Variants in AFF3 observed in about 807,000 individuals in gnomAD.
AFF3 encodes AF4/FMR2 family member 3.
Under a neutral mutation model 129.7 loss-of-function variants are expected in AFF3, and 32 were observed. That is an observed-to-expected ratio of 0.25 (90% CI 0.19 to 0.33). AFF3 has a LOEUF of 0.33. Ranked by LOEUF, AFF3 falls within the 10% of genes least tolerant of loss-of-function variation. The probability of loss-of-function intolerance (pLI) is 1.00; values close to 1 mark genes in which losing one functional copy is unlikely to be tolerated. For synonymous variants in AFF3, 644 were observed against 635.4 expected, an observed-to-expected ratio of 1.01 and a Z score of -0.20; for missense variants, 1,373 against 1,592.0, an observed-to-expected ratio of 0.86 and a Z score of 2.34.
chr2:99,862,520 G>C (rs1452802816), intron 7 of AFF3, among the ~76,000 whole-genome samples: 1 of 152,212 alleles, frequency 6.6e-6, no homozygotes, highest in Non-Finnish European at 1.5e-5. Context: ...TTTTTCAGGT[G>C]CATTTACAGA....
chr2:99,951,733 C>T (rs1676186264), intron 7 of AFF3, among the ~76,000 whole-genome samples: 2 of 152,184 alleles, frequency 1.3e-5, no homozygotes, highest in African/African-American at 4.8e-5. Context: ...GCAACCTCCG[C>T]CTCCCAGGTT....
intron 7 of AFF3, among the ~76,000 whole-genome samples, chr2:99,922,681 C>T (rs1015261271): frequency 6.6e-6 from 1 of 152,178 alleles, no homozygotes; most frequent in Admixed American, 6.5e-5. Flanking sequence ...AGTAACTGAA[C>T]ACTTCACTGC....
intron 4 of AFF3, among the ~76,000 whole-genome samples, chr2:100,075,241 A>G (rs1472015791): frequency 6.6e-6 from 1 of 152,138 alleles, no homozygotes; most frequent in South Asian, 2.1e-4. Context: ...AACCAGGGCA[A>G]ACATCCCTGA....
At chr2:99,691,844 A>G (rs1558752905) in intron 11 of AFF3, among the ~76,000 whole-genome samples, 1 of 152,210 alleles carries the variant, frequency 6.6e-6, no homozygotes, top group South Asian at 2.1e-4. Flanking sequence ...ACTCCAGGAA[A>G]AAGCTCCCAC....
intron 7 of AFF3, among the ~76,000 whole-genome samples, chr2:99,857,360 AT>A (rs745634350): frequency 2.0e-4 from 31 of 152,226 alleles, no homozygotes; most frequent in Non-Finnish European, 4.1e-4. Context: ...ATAATTTTTA[AT>A]TCTAAAATAA....
chr2:99,655,219 C>T (rs1685641261), intron 12 of AFF3, among the ~76,000 whole-genome samples: 1 of 13,618 alleles, frequency 7.3e-5, no homozygotes, highest in African/African-American at 2.1e-4. Flanking sequence ...AAGCTACACA[C>T]ACACACACAC....
intron 4 of AFF3, among the ~76,000 whole-genome samples, chr2:100,039,898 G>A (rs1421924751): frequency 6.6e-6 from 1 of 152,136 alleles, no homozygotes; most frequent in Non-Finnish European, 1.5e-5. Flanking sequence ...TCTAGGACAG[G>A]AACTCCTCTT....
At chr2:99,766,194 G>A (rs1682999099) in intron 8 of AFF3, among the ~76,000 whole-genome samples, 1 of 152,210 alleles carries the variant, frequency 6.6e-6, no homozygotes, top group South Asian at 2.1e-4. Flanking sequence ...CTGGGGCCAG[G>A]ATCAAAGTTC....
intron 7 of AFF3, among the ~76,000 whole-genome samples, chr2:99,936,204 C>T (rs764566000): frequency 3.3e-5 from 5 of 152,046 alleles, no homozygotes; most frequent in Admixed American, 6.6e-5. Flanking sequence ...TTGGCTGGTA[C>T]GGAAAGATTA....
intron 11 of AFF3, among the ~76,000 whole-genome samples, chr2:99,715,569 T>C (rs1027363556): frequency 6.6e-6 from 1 of 152,184 alleles, no homozygotes; most frequent in African/African-American, 2.4e-5. Context: ...TCTTTTACTG[T>C]ACACCTGGCT....
At chr2:99,970,537 C>A (rs979534476) in intron 7 of AFF3, among the ~76,000 whole-genome samples, 1 of 152,146 alleles carries the variant, frequency 6.6e-6, no homozygotes, top group Non-Finnish European at 1.5e-5. Flanking sequence ...ATTTTTATTG[C>A]TTGCATAAAA....
intron 11 of AFF3, among the ~76,000 whole-genome samples, chr2:99,711,325 CG>C (rs1308375267): frequency 6.6e-6 from 1 of 152,060 alleles, no homozygotes; most frequent in African/African-American, 2.4e-5. Flanking sequence ...TCTGAGACCT[CG>C]TTTTTCTCTT....
At chr2:100,043,972 C>T (rs1685631394) in intron 4 of AFF3, among the ~76,000 whole-genome samples, 1 of 152,152 alleles carries the variant, frequency 6.6e-6, no homozygotes, top group African/African-American at 2.4e-5. Flanking sequence ...CCTGGTGGGC[C>T]CCCTGAGAGC....
chr2:99,839,600 C>CTTTT (rs201446516), intron 7 of AFF3, among the ~76,000 whole-genome samples: 1 of 150,512 alleles, frequency 6.6e-6, no homozygotes, highest in Admixed American at 6.7e-5. Flanking sequence ...TCTGCATTTT[C>CTTTT]TTTTTTTTCT....
rs191378262 is a variant in AFF3 at position 99,785,625 on chromosome 2, G to A, written c.922-33324C>T. 2.0e-4 allele frequency among the ~76,000 whole-genome samples: 31 copies of A among 152,244 alleles called. 1 individual carries two copies. The East Asian group carries it at 6.0e-3, about 29-fold the overall frequency. On this transcript the variant is annotated intron_variant, in intron 8 of 24. Transcript: ENST00000672756. ...TTCTAAAAACTGTTGTAGATAACAGGCTTTTCTGCTGTCTCCTTCCAGTGA... is the reference window on the plus strand; with the variant it reads ...TTCTAAAAACTGTTGTAGATAACAGACTTTTCTGCTGTCTCCTTCCAGTGA...
In AFF3 at chr2:99,699,999, G is replaced by C. The variant is rs960285071; in HGVS notation, c.1091+27078C>G. The stretch of plus-strand genomic sequence containing the variant: ...ACCAAGGGTTCCTGCTCCTCATTTA[G>C]CGTGGAAGAAAGTGGATTTTGCAAA... On this transcript the variant is annotated intron_variant, in intron 11 of 24. Coordinates refer to ENST00000672756, the MANE Select transcript of AFF3 (RefSeq NM_001386135.1). Among the ~76,000 whole-genome samples the C allele has an allele frequency of 1.3e-5, 2 of 152,194 alleles. No individual in the cohort carries two copies. The highest frequency in any genetic ancestry group is 4.8e-5 in the African/African-American group (2 of 41,446).
intron 4 of AFF3, among the ~76,000 whole-genome samples, chr2:100,061,925 T>C (rs974116465): frequency 2.0e-5 from 3 of 151,114 alleles, no homozygotes; most frequent in Non-Finnish European, 2.9e-5. Flanking sequence ...CAGCACTTGA[T>C]ATAATTTCCG....
chr2:100,126,148 G>C (rs1692179749), intron 2 of AFF3, among the ~76,000 whole-genome samples: 1 of 152,208 alleles, frequency 6.6e-6, no homozygotes, highest in East Asian at 1.9e-4. Context: ...CGAATGAGAT[G>C]TGCTGGGAAT....
intron 9 of AFF3, among the ~76,000 whole-genome samples, chr2:99,747,574 T>C (rs1681270823): frequency 6.6e-6 from 1 of 152,164 alleles, no homozygotes; most frequent in Non-Finnish European, 1.5e-5. Context: ...ACAGATGACC[T>C]GAATTAGGAT....
Sources: gnomAD v4.1 joint callset for allele counts (sites outside exome capture counted in the v4.1 genomes callset) on GRCh38, gnomAD v4.1.1 for gene constraint, MANE v1.5 for transcripts, NCBI Gene and HGNC (gene_info 2026-07-23, HGNC 2026-07-21) for gene names.